CCDC171: variants seen among roughly 807,000 people sequenced by gnomAD.
CCDC171 encodes coiled-coil domain containing 171.
Under a neutral mutation model 168.2 loss-of-function variants are expected in CCDC171, and 177 were observed. The ratio of observed to expected loss-of-function variants is 1.05; its 90% CI spans 0.93 to 1.19. The LOEUF is 1.19. CCDC171 is among the 50% of genes most tolerant of loss of function. CCDC171 has a pLI of 0.00. For synonymous variants in CCDC171, 687 were observed against 540.8 expected, an observed-to-expected ratio of 1.27 and a Z score of -3.75; for missense variants, 1,991 against 1,539.0, an observed-to-expected ratio of 1.29 and a Z score of -4.91.
At chr9:15,928,510 G>A (rs1826140642) in intron 25 of CCDC171, among the ~76,000 whole-genome samples, 1 of 151,688 alleles carries the variant, frequency 6.6e-6, no homozygotes, top group South Asian at 2.1e-4. Flanking sequence ...AACTCTCACT[G>A]TGATATCTCT....
intron 16 of CCDC171, among the ~76,000 whole-genome samples, chr9:15,735,497 T>A (rs1031733935): frequency 6.6e-6 from 1 of 152,232 alleles, no homozygotes; most frequent in African/African-American, 2.4e-5. Flanking sequence ...GTAAACACTT[T>A]AGATTTATTT....
chr9:15,774,065 G>T (rs550777681), intron 18 of CCDC171, among the ~76,000 whole-genome samples: 12 of 151,984 alleles, frequency 7.9e-5, no homozygotes, highest in Non-Finnish European at 1.3e-4. Flanking sequence ...GGTCAACGTG[G>T]TGAAACCCTG....
intron 21 of CCDC171, among the ~76,000 whole-genome samples, chr9:15,794,866 T>C (rs1330705506): frequency 2.0e-5 from 3 of 152,214 alleles, no homozygotes; most frequent in African/African-American, 7.2e-5. Flanking sequence ...CCCAGTTTCT[T>C]AATTTTTCAC....
chr9:15,725,189 G>A (rs769391062), intron 14 of CCDC171, among the ~76,000 whole-genome samples: 17 of 151,964 alleles, frequency 1.1e-4, no homozygotes, highest in Non-Finnish European at 2.5e-4. Flanking sequence ...AATTTTTTTT[G>A]TTTATCATGT....
intron 21 of CCDC171, among the ~76,000 whole-genome samples, chr9:15,834,545 TTTTAGTA>T (rs1212236149): frequency 6.6e-6 from 1 of 152,224 alleles, no homozygotes; most frequent in Non-Finnish European, 1.5e-5. Context: ...TTGCATTTTA[TTTTAGTA>T]TATTCACAAT....
At chr9:15,713,357 T>C (rs1381092697) in intron 11 of CCDC171, among the ~76,000 whole-genome samples, 1 of 151,756 alleles carries the variant, frequency 6.6e-6, no homozygotes, top group Non-Finnish European at 1.5e-5. Context: ...TAGAGAACTC[T>C]CCATGCATCC....
At chr9:15,595,756 T>A (rs1262414264) in intron 6 of CCDC171, among the ~76,000 whole-genome samples, 1 of 152,004 alleles carries the variant, frequency 6.6e-6, no homozygotes, top group Admixed American at 6.6e-5. Flanking sequence ...TAGTTTACAG[T>A]CCCACCAACA....
intron 6 of CCDC171, among the ~76,000 whole-genome samples, chr9:15,602,516 T>C (rs2042927229): frequency 6.6e-6 from 1 of 152,132 alleles, no homozygotes; most frequent in South Asian, 2.1e-4. Context: ...ATTCTTTTTC[T>C]TTCTTGGAGA....
In CCDC171 at chr9:15,554,080, C is replaced by G. The variant is rs555016751; in HGVS notation, c.-112+778C>G. Among the ~76,000 whole-genome samples the G allele has an allele frequency of 8.0e-5, 12 of 149,622 alleles. No homozygotes were observed. In the South Asian group the frequency reaches 2.3e-3, roughly 29 times the overall value. On this transcript the variant is annotated intron_variant, in intron 1 of 25. Coordinates refer to ENST00000380701, the MANE Select transcript of CCDC171 (RefSeq NM_173550.4). ...TGTCACCCAGGCTGGAGTGCAGTGGCGCGATCTCGGCTCACTGCAAGCTCC... is the reference window on the plus strand; with the variant it reads ...TGTCACCCAGGCTGGAGTGCAGTGGGGCGATCTCGGCTCACTGCAAGCTCC...
chr9:15,619,140 GAC>G (rs2044320623), intron 6 of CCDC171, among the ~76,000 whole-genome samples: 1 of 152,006 alleles, frequency 6.6e-6, no homozygotes, highest in Admixed American at 6.6e-5. Context: ...TACTCCTTGA[GAC>G]ACAACAATGT....
At chr9:15,780,726 A>G (rs1350666396) in intron 20 of CCDC171, among the ~76,000 whole-genome samples, 1 of 152,198 alleles carries the variant, frequency 6.6e-6, no homozygotes. Flanking sequence ...AAATATATGT[A>G]TACATGTATG....
At chr9:15,626,437 A>T (rs549900037) in intron 7 of CCDC171, among the ~76,000 whole-genome samples, 1 of 152,206 alleles carries the variant, frequency 6.6e-6, no homozygotes, top group African/African-American at 2.4e-5. Context: ...TTAGTATGAT[A>T]TTGGCTGTGG....
intron 1 of CCDC171, among the ~76,000 whole-genome samples, chr9:16,055,747 A>C (rs1334083409): frequency 6.6e-6 from 1 of 152,230 alleles, no homozygotes; most frequent in Non-Finnish European, 1.5e-5. Context: ...GCCTCCTCCA[A>C]GTTCAGGGGC....
intron 21 of CCDC171, among the ~76,000 whole-genome samples, chr9:15,845,212 G>C (rs954623992): frequency 6.6e-6 from 1 of 152,016 alleles, no homozygotes; most frequent in Non-Finnish European, 1.5e-5. Flanking sequence ...AAATTAGTAG[G>C]TTTAGCGTGG....
At chr9:16,070,505 A>G in the CCDC171 span, among the ~76,000 whole-genome samples, 2 of 152,172 alleles carry the variant, frequency 1.3e-5, no homozygotes, top group African/African-American at 2.4e-5. Context: ...GCCCAGCAAC[A>G]GTGGCTCTGG....
chr9:15,561,723 A>G (rs1425309327), intron 1 of CCDC171, among the ~76,000 whole-genome samples: 1 of 152,144 alleles, frequency 6.6e-6, no homozygotes, highest in Admixed American at 6.6e-5. Context: ...GACCGTATCA[A>G]CTTTGGTCCT....
chr9:15,854,114 C>T (rs1199736414), intron 23 of CCDC171, among the ~76,000 whole-genome samples: 1 of 149,274 alleles, frequency 6.7e-6, no homozygotes, highest in Non-Finnish European at 1.5e-5. Context: ...ATACTGATCT[C>T]ATAGAATAGG....
At chr9:15,709,083 A>G (rs2052463403) in intron 11 of CCDC171, among the ~76,000 whole-genome samples, 1 of 152,218 alleles carries the variant, frequency 6.6e-6, no homozygotes, top group East Asian at 1.9e-4. Context: ...ATGATTCACC[A>G]TGGAAATTGG....
intron 25 of CCDC171, among the ~76,000 whole-genome samples, chr9:15,922,831 T>G (rs866598433): frequency 5.9e-5 from 9 of 151,720 alleles, no homozygotes; most frequent in African/African-American, 2.2e-4. Flanking sequence ...ATATTGAGCA[T>G]TTTTTCATAC....
Sources: gnomAD v4.1 joint callset for allele counts (sites outside exome capture counted in the v4.1 genomes callset) on GRCh38, gnomAD v4.1.1 for gene constraint, MANE v1.5 for transcripts, NCBI Gene and HGNC (gene_info 2026-07-23, HGNC 2026-07-21) for gene names.